Variants in DYM observed in about 807,000 individuals in gnomAD.
The protein encoded by DYM is dymeclin.
DYM carries 78 observed loss-of-function variants against 93.1 expected under a neutral mutation model. The observed-to-expected ratio is 0.84, with a 90% CI of 0.70 to 1.01. DYM has a LOEUF of 1.01. Ranked by LOEUF, DYM falls within the 50% of genes least tolerant of loss-of-function variation. DYM has a pLI of 0.00. For synonymous variants in DYM, 321 were observed against 319.7 expected (o/e 1.00, Z -0.04); for missense variants, 789 against 845.0 (o/e 0.93, Z 0.82).
intron 14 of DYM, among the ~76,000 whole-genome samples, chr18:49,196,585 A>T (rs773949758): frequency 6.6e-6 from 1 of 152,152 alleles, no homozygotes; most frequent in East Asian, 1.9e-4. Context: ...AATGTTTTGG[A>T]TAAAGGAAAA....
chr18:49,177,588 CCTA>C, intron 14 of DYM, among the ~76,000 whole-genome samples: 1 of 152,178 alleles, frequency 6.6e-6, no homozygotes, highest in South Asian at 2.1e-4. Context: ...TTTTTCAACA[CCTA>C]TTAGCTTCAT....
intron 15 of DYM, among the ~76,000 whole-genome samples, chr18:49,142,980 G>C (rs912593876): frequency 1.3e-5 from 2 of 152,094 alleles, no homozygotes; most frequent in African/African-American, 4.8e-5. Flanking sequence ...GATCAATTTC[G>C]TTCAGGAAGA....
At chr18:49,131,749 A>G (rs753309037) in intron 15 of DYM, among the ~76,000 whole-genome samples, 83 of 152,228 alleles carry the variant, frequency 5.5e-4, no homozygotes, top group Admixed American at 2.0e-3. Context: ...CCAGCTATGC[A>G]GTATTCTTAA....
intron 8 of DYM, among the ~76,000 whole-genome samples, chr18:49,327,661 C>G (rs2062997871): frequency 6.6e-6 from 1 of 152,038 alleles, no homozygotes; most frequent in Non-Finnish European, 1.5e-5. Context: ...CTGGCATCTA[C>G]TCTATACATC....
intron 8 of DYM, among the ~76,000 whole-genome samples, chr18:49,325,696 T>C (rs904473314): frequency 6.6e-6 from 1 of 152,252 alleles, no homozygotes; most frequent in East Asian, 1.9e-4. Flanking sequence ...TAATAACTGA[T>C]ATTAGCACCA....
chr18:49,304,489 T>G (rs73443891), intron 8 of DYM, among the ~76,000 whole-genome samples: 3,978 of 152,256 alleles, frequency 0.026, 166 homozygotes, highest in African/African-American at 0.089. Context: ...AAACCTTCTA[T>G]ATTGTCAACC....
chr18:49,281,725 T>C (rs1314627663), intron 10 of DYM, among the ~76,000 whole-genome samples: 1 of 152,166 alleles, frequency 6.6e-6, no homozygotes, highest in Non-Finnish European at 1.5e-5. Flanking sequence ...ACACTGCATG[T>C]TCTCACTCAT....
chr18:49,452,201 G>A (rs1639667191), intron 1 of DYM, among the ~76,000 whole-genome samples: 1 of 152,202 alleles, frequency 6.6e-6, no homozygotes, highest in Admixed American at 6.5e-5. Flanking sequence ...CCTTCTGGTG[G>A]GTTCGTGCTC....
chr18:49,368,532 T>C (rs1206123154), intron 5 of DYM: 2 of 152,218 alleles, frequency 1.3e-5, no homozygotes, highest in African/African-American at 4.8e-5. Flanking sequence ...AAGGTTAAAT[T>C]ATTAAATTTG....
At chr18:49,395,705 G>T (rs1366650857) in intron 2 of DYM, among the ~76,000 whole-genome samples, 1 of 151,508 alleles carries the variant, frequency 6.6e-6, no homozygotes, top group East Asian at 1.9e-4. Flanking sequence ...CCAGGGAAAA[G>T]CAAATCAAAA....
chr18:49,445,381 T>C (rs928657794), intron 1 of DYM, among the ~76,000 whole-genome samples: 4 of 152,122 alleles, frequency 2.6e-5, no homozygotes, highest in Non-Finnish European at 4.4e-5. Flanking sequence ...CATTCTCTTT[T>C]AACCGTTTCA....
intron 16 of DYM, among the ~76,000 whole-genome samples, chr18:49,110,240 C>A (rs1367652112): frequency 6.6e-6 from 1 of 152,200 alleles, no homozygotes; most frequent in African/African-American, 2.4e-5. Flanking sequence ...CTTCTTCCAA[C>A]AGTCAATTAT....
intron 16 of DYM, among the ~76,000 whole-genome samples, chr18:49,109,035 T>C (rs2081151160): frequency 6.6e-6 from 1 of 152,298 alleles, no homozygotes; most frequent in East Asian, 1.9e-4. Context: ...ACCCCTTTTT[T>C]TTTTTATTAA....
At chr18:49,425,598 TG>T (rs1213037466) in intron 2 of DYM, among the ~76,000 whole-genome samples, 1 of 151,976 alleles carries the variant, frequency 6.6e-6, no homozygotes, top group African/African-American at 2.4e-5. Context: ...ACCATCAGAG[TG>T]AACAGGCAAC....
At chr18:49,063,421 C>G (rs555875045) in intron 17 of DYM, among the ~76,000 whole-genome samples, 1 of 149,226 alleles carries the variant, frequency 6.7e-6, no homozygotes, top group Non-Finnish European at 1.5e-5. Context: ...GAAATATATA[C>G]ATGAAAAACA....
intron 8 of DYM, among the ~76,000 whole-genome samples, chr18:49,311,008 C>T (rs1047383752): frequency 7.2e-5 from 11 of 152,124 alleles, no homozygotes; most frequent in Non-Finnish European, 1.5e-4. Context: ...AAGTATTTTG[C>T]ATTTTTTAAG....
intron 15 of DYM, among the ~76,000 whole-genome samples, chr18:49,127,803 A>G (rs1032882785): frequency 3.9e-5 from 6 of 152,252 alleles, no homozygotes; most frequent in Admixed American, 3.9e-4. Context: ...TAGAAAGAAC[A>G]GGTTTTATAT....
chr18:49,382,253 T>C (rs1436712380), intron 3 of DYM, among the ~76,000 whole-genome samples: 3 of 152,220 alleles, frequency 2.0e-5, no homozygotes, highest in Non-Finnish European at 4.4e-5. Context: ...CGTGTATTTA[T>C]TGAGCTACTC....
intron 16 of DYM, among the ~76,000 whole-genome samples, chr18:49,106,706 TTTTC>T (rs1450712361): frequency 2.0e-5 from 3 of 152,240 alleles, no homozygotes; most frequent in Non-Finnish European, 4.4e-5. Flanking sequence ...TTGAAAATTC[TTTTC>T]TTTAAGAATG....
Sources: gnomAD v4.1 joint callset for allele counts (sites outside exome capture counted in the v4.1 genomes callset) on GRCh38, gnomAD v4.1.1 for gene constraint, MANE v1.5 for transcripts, NCBI Gene and HGNC (gene_info 2026-07-23, HGNC 2026-07-21) for gene names.